RGS6: variants seen among roughly 807,000 people sequenced by gnomAD.
RGS6 encodes regulator of G protein signaling 6, also known as regulator of G-protein signaling 6.
Under a neutral mutation model 78.5 loss-of-function variants are expected in RGS6, and 30 were observed. That is an observed-to-expected ratio of 0.38 (90% CI 0.29 to 0.52). The LOEUF (loss-of-function observed/expected upper bound fraction) is 0.52. Among genes scored for constraint, RGS6 ranks in the 20% least tolerant of loss-of-function variants. The pLI is 0.85. For synonymous variants in RGS6, 206 were observed against 206.0 expected (o/e 1.00, Z 0.00); for missense variants, 495 against 609.7 (o/e 0.81, Z 1.98).
intron 2 of RGS6, among the ~76,000 whole-genome samples, chr14:72,138,993 T>C (rs1372773422): frequency 6.6e-6 from 1 of 152,064 alleles, no homozygotes; most frequent in African/African-American, 2.4e-5. Flanking sequence ...ACCCACCCAG[T>C]CCATGGAAAA....
chr14:72,183,406 T>A (rs556493886), intron 2 of RGS6, among the ~76,000 whole-genome samples: 7 of 152,312 alleles, frequency 4.6e-5, no homozygotes, highest in African/African-American at 1.7e-4. Context: ...ATTAATAGAC[T>A]CTGGGTCTGG....
chr14:72,608,778 A>G, the RGS6 span, among the ~76,000 whole-genome samples: 9 of 152,190 alleles, frequency 5.9e-5, no homozygotes, highest in African/African-American at 9.7e-5. Context: ...CGTGGCCAGA[A>G]GCTCATCACC....
At chr14:72,424,290 G>A (rs1566812337) in intron 3 of RGS6, among the ~76,000 whole-genome samples, 1 of 152,168 alleles carries the variant, frequency 6.6e-6, no homozygotes, top group Non-Finnish European at 1.5e-5. Context: ...CTTAGTTTGG[G>A]GGTAAGTTTT....
At chr14:72,108,000 T>G (rs1045368700) in intron 2 of RGS6, among the ~76,000 whole-genome samples, 13 of 152,192 alleles carry the variant, frequency 8.5e-5, no homozygotes. Flanking sequence ...CTATACTCTC[T>G]TCCATTTAAC....
At chr14:72,048,160 G>C (rs2092999469) in intron 2 of RGS6, among the ~76,000 whole-genome samples, 1 of 152,142 alleles carries the variant, frequency 6.6e-6, no homozygotes, top group African/African-American at 2.4e-5. Flanking sequence ...GGTAGTCACA[G>C]TGTGTTCAAG....
intron 3 of RGS6, among the ~76,000 whole-genome samples, chr14:72,434,121 A>G (rs1487931960): frequency 1.3e-5 from 2 of 152,134 alleles, no homozygotes; most frequent in East Asian, 3.9e-4. Context: ...GGATCTCTTG[A>G]GCCCAGGAGT....
At chr14:72,372,322 A>G (rs1413093774) in intron 3 of RGS6, among the ~76,000 whole-genome samples, 2 of 152,206 alleles carry the variant, frequency 1.3e-5, no homozygotes, top group African/African-American at 4.8e-5. Context: ...AGTTGCAGCC[A>G]CAGGAAATTT....
intron 13 of RGS6, among the ~76,000 whole-genome samples, chr14:72,499,687 T>A (rs1274757448): frequency 1.3e-5 from 2 of 152,132 alleles, no homozygotes; most frequent in African/African-American, 2.4e-5. Flanking sequence ...GTTTTTTTTT[T>A]ACTTAACTGA....
chr14:71,917,391 A>G, the RGS6 span, among the ~76,000 whole-genome samples: 1 of 152,182 alleles, frequency 6.6e-6, no homozygotes, highest in African/African-American at 2.4e-5. Context: ...AAAAGTATAC[A>G]TAAAGCAGTT....
At chr14:72,183,219 C>T (rs986353294) in intron 2 of RGS6, among the ~76,000 whole-genome samples, 1 of 152,182 alleles carries the variant, frequency 6.6e-6, no homozygotes. Flanking sequence ...TCAATGACTA[C>T]TCTCCATTTC....
the RGS6 span, among the ~76,000 whole-genome samples, chr14:71,896,084 A>G: frequency 6.6e-6 from 1 of 152,016 alleles, no homozygotes. Context: ...TGGAGGGGCA[A>G]ATAGAAGATC....
chr14:72,418,863 A>G (rs1358503250), intron 3 of RGS6, among the ~76,000 whole-genome samples: 3 of 152,268 alleles, frequency 2.0e-5, no homozygotes, highest in Admixed American at 2.0e-4. Context: ...GCGCCTGGGC[A>G]GGTCTGAGAG....
chr14:72,470,879 CAA>C (rs34084675), intron 8 of RGS6, among the ~76,000 whole-genome samples: 116 of 112,500 alleles, frequency 1.0e-3, no homozygotes, highest in East Asian at 1.5e-3. Flanking sequence ...AACTCCCTCT[CAA>C]AAAAAAAAAA....
intron 1 of RGS6, among the ~76,000 whole-genome samples, chr14:71,945,699 C>T (rs1022344326): frequency 1.3e-5 from 2 of 152,146 alleles, no homozygotes; most frequent in African/African-American, 4.8e-5. Flanking sequence ...TGAATGGCAC[C>T]TGACCTTGGA....
chr14:72,380,229 A>G (rs938663449), intron 3 of RGS6, among the ~76,000 whole-genome samples: 2 of 152,086 alleles, frequency 1.3e-5, no homozygotes, highest in African/African-American at 4.8e-5. Context: ...ACAAGAAAAC[A>G]TAGGAGAAAT....
At chr14:72,284,276 CA>C (rs1287383572) in intron 2 of RGS6, among the ~76,000 whole-genome samples, 2 of 152,134 alleles carry the variant, frequency 1.3e-5, no homozygotes, top group Non-Finnish European at 2.9e-5. Flanking sequence ...TGTTAATCAC[CA>C]AGGCAATGGG....
chr14:72,028,243 A>C (rs2090250609), intron 2 of RGS6, among the ~76,000 whole-genome samples: 1 of 152,140 alleles, frequency 6.6e-6, no homozygotes, highest in Admixed American at 6.5e-5. Context: ...GGATATTTCG[A>C]GGATATGTTC....
the RGS6 span, among the ~76,000 whole-genome samples, chr14:71,878,505 G>A: frequency 3.3e-5 from 5 of 152,238 alleles, no homozygotes; most frequent in Admixed American, 1.3e-4. Flanking sequence ...ATAATCTCCT[G>A]CTGTGCCGTT....
At chr14:72,335,489 A>G (rs2075861612) in intron 2 of RGS6, among the ~76,000 whole-genome samples, 1 of 152,204 alleles carries the variant, frequency 6.6e-6, no homozygotes, top group Admixed American at 6.5e-5. Context: ...ACTCCCAGGG[A>G]CAGGGCATTG....
Sources: gnomAD v4.1 joint callset for allele counts (sites outside exome capture counted in the v4.1 genomes callset) on GRCh38, gnomAD v4.1.1 for gene constraint, MANE v1.5 for transcripts, NCBI Gene and HGNC (gene_info 2026-07-23, HGNC 2026-07-21) for gene names.